Variants in IMMP2L observed in about 807,000 individuals in gnomAD.
IMMP2L encodes the protein mitochondrial inner membrane protease subunit 2.
IMMP2L carries 18 observed loss-of-function variants against 19.3 expected under a neutral mutation model. That is an observed-to-expected ratio of 0.93 (90% CI 0.64 to 1.38). IMMP2L has a LOEUF of 1.38. IMMP2L is among the 40% of genes most tolerant of loss of function. IMMP2L has a pLI of 0.00. For synonymous variants in IMMP2L, 76 were observed against 73.0 expected (o/e 1.04, Z -0.21); for missense variants, 233 against 218.2 (o/e 1.07, Z -0.43).
At chr7:111,207,331 T>C (rs1191148114) in intron 3 of IMMP2L, among the ~76,000 whole-genome samples, 1 of 152,124 alleles carries the variant, frequency 6.6e-6, no homozygotes, top group Non-Finnish European at 1.5e-5. Context: ...GATTTGAGAT[T>C]ATAGCCATAA....
chr7:111,139,811 C>T (rs1292591238), intron 3 of IMMP2L, among the ~76,000 whole-genome samples: 2 of 152,098 alleles, frequency 1.3e-5, no homozygotes, highest in Non-Finnish European at 2.9e-5. Flanking sequence ...ATGTATTTTG[C>T]TTGCTGGAAA....
chr7:111,553,172 T>C (rs114614266), intron 1 of IMMP2L, among the ~76,000 whole-genome samples: 2,225 of 152,240 alleles, frequency 0.015, 55 homozygotes, highest in African/African-American at 0.05. Flanking sequence ...GAGAACCCAA[T>C]TTTACATATG....
In IMMP2L at chr7:111,423,852, T is replaced by A. The variant is rs976260594; in HGVS notation, c.239+63386A>T. ...ACAAAAAATCCTTCAAAAAAATCAA[T>A]GAATCCAGGAACTGGTTTTTTGAAA... On this transcript the variant is annotated intron_variant, in intron 3 of 5. Coordinates refer to ENST00000405709, the MANE Select transcript of IMMP2L (RefSeq NM_032549.4). Among the ~76,000 whole-genome samples the A allele has an allele frequency of 2.6e-5, 4 of 151,956 alleles. No individual in the cohort carries two copies. The South Asian group carries it at 8.3e-4, about 32-fold the overall frequency.
chr7:110,980,183 T>C (rs1263743672), intron 3 of IMMP2L, among the ~76,000 whole-genome samples: 1 of 150,396 alleles, frequency 6.6e-6, no homozygotes, highest in Admixed American at 6.6e-5. Flanking sequence ...TGCTTTGAAC[T>C]CTAATCCCAT....
At chr7:111,055,387 T>C (rs1793413473) in intron 3 of IMMP2L, among the ~76,000 whole-genome samples, 1 of 152,202 alleles carries the variant, frequency 6.6e-6, no homozygotes, top group African/African-American at 2.4e-5. Context: ...GGCACACTGA[T>C]GCAGGAAGCC....
chr7:111,554,295 T>A (rs533004747), intron 1 of IMMP2L, among the ~76,000 whole-genome samples: 2 of 152,160 alleles, frequency 1.3e-5, no homozygotes, highest in Non-Finnish European at 2.9e-5. Flanking sequence ...TACGTCTATA[T>A]GTAAACTGAA....
chr7:111,124,314 T>C (rs774072075), intron 3 of IMMP2L: 34 of 1,613,622 alleles, frequency 2.1e-5, no homozygotes, highest in Non-Finnish European at 5.1e-6. Flanking sequence ...TCAAAGTGGA[T>C]GGATCTTTTC....
At chr7:111,292,185 T>C (rs1821184921) in intron 3 of IMMP2L, among the ~76,000 whole-genome samples, 1 of 152,174 alleles carries the variant, frequency 6.6e-6, no homozygotes. Context: ...TGTAATTAAG[T>C]CCCTATTCAG....
intron 5 of IMMP2L, among the ~76,000 whole-genome samples, chr7:110,883,457 C>A (rs76136213): frequency 6.6e-6 from 1 of 152,108 alleles, no homozygotes; most frequent in Non-Finnish European, 1.5e-5. Flanking sequence ...TAGCTCTTTT[C>A]CAAATGACTT....
At chr7:110,764,211 A>G (rs571648017) in intron 5 of IMMP2L, among the ~76,000 whole-genome samples, 1 of 152,254 alleles carries the variant, frequency 6.6e-6, no homozygotes, top group African/African-American at 2.4e-5. Flanking sequence ...CTGACCACCT[A>G]CTGACAATGC....
intron 3 of IMMP2L, among the ~76,000 whole-genome samples, chr7:111,415,272 C>T (rs1834855070): frequency 6.6e-6 from 1 of 151,640 alleles, no homozygotes; most frequent in Admixed American, 6.6e-5. Flanking sequence ...TTCAGTCACA[C>T]AATCCCCAAA....
chr7:110,932,999 A>C (rs977834334), intron 4 of IMMP2L, among the ~76,000 whole-genome samples: 1 of 152,212 alleles, frequency 6.6e-6, no homozygotes, highest in Non-Finnish European at 1.5e-5. Context: ...GTTTTGCCAC[A>C]GGGTTTTGAA....
chr7:111,160,647 T>C (rs1001544990), intron 3 of IMMP2L, among the ~76,000 whole-genome samples: 10 of 151,208 alleles, frequency 6.6e-5, no homozygotes, highest in African/African-American at 2.4e-4. Context: ...TTTAGGAAGT[T>C]AGACAATGAG....
At position 111,284,813 on chromosome 7, in the gene IMMP2L, A is replaced by ACC. The variant is rs1458191297; in HGVS notation, c.239+202424_239+202425insGG. Among the ~76,000 whole-genome samples the ACC allele has an allele frequency of 1.3e-4, 20 of 152,342 alleles. No individual in the cohort carries two copies. In the East Asian group the frequency reaches 3.9e-3, roughly 29 times the overall value. On this transcript the variant is annotated intron_variant, in intron 3 of 5. Coordinates refer to ENST00000405709, the MANE Select transcript of IMMP2L (RefSeq NM_032549.4). ...GGGGTTTTTGGAATACTACAAAACT[A>ACC]TCCATCTTTATGGTGGACAAAAAGT...
At chr7:110,796,124 G>A (rs967123038) in intron 5 of IMMP2L, among the ~76,000 whole-genome samples, 1 of 152,054 alleles carries the variant, frequency 6.6e-6, no homozygotes, top group East Asian at 1.9e-4. Context: ...GAAGAAGGAT[G>A]TGTTTGTTTC....
intron 5 of IMMP2L, among the ~76,000 whole-genome samples, chr7:110,863,633 C>A (rs938890896): frequency 6.6e-6 from 1 of 152,128 alleles, no homozygotes; most frequent in Non-Finnish European, 1.5e-5. Flanking sequence ...AGGTCCCAGA[C>A]AGCCACATGA....
rs565003760 is a variant in IMMP2L, at chr7:110,723,313, CA to C, written c.409-59593del. Among the ~76,000 whole-genome samples the C allele has an allele frequency of 1.2e-3, 183 of 152,322 alleles. 1 individual carries two copies. The highest frequency in any genetic ancestry group is 4.2e-3 in the African/African-American group (176 of 41,580). ...TAGAAGTCACTGCCACACCAGCTAACAGAATAAACTACCACCAGTTTGATGC... is the reference window on the plus strand; with the variant it reads ...TAGAAGTCACTGCCACACCAGCTAACGAATAAACTACCACCAGTTTGATGC... On this transcript the variant is annotated intron_variant, in intron 5 of 5. Coordinates refer to ENST00000405709, the MANE Select transcript of IMMP2L (RefSeq NM_032549.4).
At chr7:111,240,039 T>A (rs75580077) in intron 3 of IMMP2L, among the ~76,000 whole-genome samples, 6,624 of 152,040 alleles carry the variant, frequency 0.044, 219 homozygotes, top group South Asian at 0.082. Context: ...CAATAATGGA[T>A]GTTTTGACAT....
intron 5 of IMMP2L, among the ~76,000 whole-genome samples, chr7:110,665,974 G>A (rs866372565): frequency 6.6e-6 from 1 of 151,728 alleles, no homozygotes; most frequent in South Asian, 2.1e-4. Context: ...TTTATTAGTT[G>A]GCATTGTTCT....
Sources: allele counts gnomAD v4.1 joint callset (sites outside exome capture counted in the v4.1 genomes callset), GRCh38; gene constraint gnomAD v4.1.1; transcripts MANE v1.5; gene names NCBI Gene and HGNC (gene_info 2026-07-23, HGNC 2026-07-21).